IMMP2L: variants seen among roughly 807,000 people sequenced by gnomAD.
IMMP2L encodes the protein mitochondrial inner membrane protease subunit 2.
IMMP2L carries 18 observed loss-of-function variants against 19.3 expected under a neutral mutation model. That is an observed-to-expected ratio of 0.93 (90% confidence interval 0.64 to 1.38). IMMP2L has a LOEUF of 1.38. Among genes scored for constraint, IMMP2L ranks in the 40% most tolerant of loss-of-function variants. IMMP2L has a pLI of 0.00. For missense variants in IMMP2L, 233 were observed against 218.2 expected (o/e 1.07, Z -0.43); for synonymous variants, 76 against 73.0 (o/e 1.04, Z -0.21).
chr7:111,468,590 T>C (rs1437144159), intron 3 of IMMP2L, among the ~76,000 whole-genome samples: 1 of 151,972 alleles, frequency 6.6e-6, no homozygotes, highest in African/African-American at 2.4e-5. Flanking sequence ...ATATGCAATA[T>C]AAGAAGAAAA....
chr7:111,295,982 T>C (rs1821586306), intron 3 of IMMP2L, among the ~76,000 whole-genome samples: 1 of 71,472 alleles, frequency 1.4e-5, no homozygotes, highest in Non-Finnish European at 2.3e-5. Context: ...TTAGAAAGAA[T>C]GTTAAAAAAA....
chr7:110,801,323 G>T (rs1376421881), intron 5 of IMMP2L, among the ~76,000 whole-genome samples: 1 of 151,944 alleles, frequency 6.6e-6, no homozygotes, highest in Non-Finnish European at 1.5e-5. Context: ...CCCATATACT[G>T]CTTGTCTAAA....
chr7:110,815,163 T>A (rs1802381020), intron 5 of IMMP2L, among the ~76,000 whole-genome samples: 1 of 152,016 alleles, frequency 6.6e-6, no homozygotes, highest in Non-Finnish European at 1.5e-5. Flanking sequence ...TTATTGAGAG[T>A]TTTTAGCATG....
At chr7:110,692,558 T>A (rs1286285287) in intron 5 of IMMP2L, among the ~76,000 whole-genome samples, 3 of 152,162 alleles carry the variant, frequency 2.0e-5, no homozygotes, top group African/African-American at 7.2e-5. Context: ...CAGATTCAAA[T>A]CTACACATTG....
intron 3 of IMMP2L, among the ~76,000 whole-genome samples, chr7:111,421,042 A>C (rs1835466997): frequency 6.6e-6 from 1 of 151,668 alleles, no homozygotes; most frequent in Non-Finnish European, 1.5e-5. Context: ...AAGCATTCCT[A>C]TTTCTCCACA....
rs201627019 is a variant in IMMP2L at position 111,179,199 on chromosome 7, G to GA, written c.240-215635dup. Among the ~76,000 whole-genome samples the GA allele has an allele frequency of 1.0e-4, 15 of 149,728 alleles. No individual in the cohort carries two copies. The South Asian group carries it at 1.3e-3, about 13-fold the overall frequency. On this transcript the variant is annotated intron_variant, in intron 3 of 5. Transcript: ENST00000405709. ...CATTTTCAATGAGCAGTAATATTTTGAAAAAAAAAATTTTATCTGAGAAGT... is the reference window on the plus strand; with the variant it reads ...CATTTTCAATGAGCAGTAATATTTTGAAAAAAAAAAATTTTATCTGAGAAGT...
intron 3 of IMMP2L, among the ~76,000 whole-genome samples, chr7:111,486,729 CATATT>C (rs1410991162): frequency 6.6e-6 from 1 of 152,122 alleles, no homozygotes; most frequent in African/African-American, 2.4e-5. Flanking sequence ...GACCAGTCAT[CATATT>C]ATAACAGTGA....
intron 3 of IMMP2L, among the ~76,000 whole-genome samples, chr7:111,243,070 ATT>A (rs1324840384): frequency 6.6e-6 from 1 of 152,092 alleles, no homozygotes; most frequent in African/African-American, 2.4e-5. Context: ...GGTGAAAAAT[ATT>A]GTTACTAAAA....
intron 5 of IMMP2L, among the ~76,000 whole-genome samples, chr7:110,771,231 G>A (rs1373466749): frequency 1.3e-5 from 2 of 152,086 alleles, no homozygotes; most frequent in East Asian, 1.9e-4. Context: ...TGGTTTGGAC[G>A]AGAATCTCAC....
rs117689691 is a variant in IMMP2L at position 110,929,471 on chromosome 7, T to A, written c.305+34029A>T. On this transcript the variant is annotated intron_variant, in intron 4 of 5. Coordinates refer to ENST00000405709, the MANE Select transcript of IMMP2L (RefSeq NM_032549.4). ...TGTTGCATGTGAATTCCATTTTATA[T>A]CAGTAGAATGCTTTATAGTTCATAA... Among the ~76,000 whole-genome samples the A allele has an allele frequency of 4.8e-3, 737 of 152,282 alleles. 3 individuals carry two copies. The highest frequency in any genetic ancestry group is 6.0e-3 in the Non-Finnish European group (409 of 68,016).
chr7:110,876,898 CT>C (rs1196420371), intron 5 of IMMP2L, among the ~76,000 whole-genome samples: 1 of 152,132 alleles, frequency 6.6e-6, no homozygotes, highest in Non-Finnish European at 1.5e-5. Context: ...GTTCAAATTT[CT>C]GACTTTCCTA....
Position 110,804,000 on chromosome 7 carries a change from G to A in IMMP2L, c.408+82593C>T, listed in dbSNP as rs762895248. ...GGTAAAATGGGTACTTGAAAGATGA[G>A]AATGAGTTTATGATCACTGAGTAAA... On this transcript the variant is annotated intron_variant, in intron 5 of 5. Coordinates refer to ENST00000405709, the MANE Select transcript of IMMP2L (RefSeq NM_032549.4). The surrounding 1 kb of genome is among the most constrained non-coding windows in gnomAD (Gnocchi z 4.2). Among the ~76,000 whole-genome samples the A allele has an allele frequency of 2.0e-5, 3 of 152,034 alleles. No individual in the cohort carries two copies. The highest frequency in any genetic ancestry group is 4.8e-5 in the African/African-American group (2 of 41,414).
At chr7:111,420,144 ATT>A (rs1434247004) in intron 3 of IMMP2L, among the ~76,000 whole-genome samples, 1 of 151,860 alleles carries the variant, frequency 6.6e-6, no homozygotes, top group Admixed American at 6.6e-5. Flanking sequence ...TTATATTTAC[ATT>A]TTTATATTCA....
intron 3 of IMMP2L, among the ~76,000 whole-genome samples, chr7:111,274,055 C>G (rs1273684679): frequency 3.3e-5 from 5 of 152,080 alleles, no homozygotes; most frequent in Admixed American, 3.3e-4. Context: ...TTTATTTACT[C>G]TGCCAATGAC....
At chr7:111,120,995 A>G (rs1204172149) in intron 3 of IMMP2L, among the ~76,000 whole-genome samples, 2 of 151,940 alleles carry the variant, frequency 1.3e-5, no homozygotes, top group Admixed American at 1.3e-4. Flanking sequence ...TTTTTTCCCT[A>G]TAACTAAATT....
chr7:111,196,569 T>C (rs565583713), intron 3 of IMMP2L, among the ~76,000 whole-genome samples: 3 of 152,196 alleles, frequency 2.0e-5, no homozygotes, highest in Non-Finnish European at 4.4e-5. Flanking sequence ...TTTAAAAAAC[T>C]ATTTAGTTAA....
chr7:110,948,348 T>C (rs886877415), intron 4 of IMMP2L, among the ~76,000 whole-genome samples: 3 of 152,236 alleles, frequency 2.0e-5, no homozygotes, highest in African/African-American at 7.2e-5. Flanking sequence ...ATGTGTTAGA[T>C]AATATTTGAA....
At chr7:110,717,259 G>A (rs1419435842) in intron 5 of IMMP2L, among the ~76,000 whole-genome samples, 2 of 152,272 alleles carry the variant, frequency 1.3e-5, no homozygotes, top group African/African-American at 2.4e-5. Context: ...GGCGGATCAT[G>A]AGGTCAGGAG....
chr7:111,547,558 T>TTTATTTATTTATTTATTTATTTAC lies in IMMP2L; in HGVS notation c.-3+14292_-3+14293insGTAAATAAATAAATAAATAAATAA, dbSNP rs543273627. ...TTGCTTGTTTTTTTTTAATTTTTTA[T>TTTATTTATTTATTTATTTATTTAC]TTATTTAGGTTGGGGGAGACAGGGC... On this transcript the variant is annotated intron_variant, in intron 1 of 5. Coordinates refer to ENST00000405709, the MANE Select transcript of IMMP2L (RefSeq NM_032549.4). 1.9e-3 allele frequency among the ~76,000 whole-genome samples: 288 copies of TTTATTTATTTATTTATTTATTTAC among 149,540 alleles called. 3 individuals carry two copies. Among genetic ancestry groups the TTTATTTATTTATTTATTTATTTAC allele is most frequent in the African/African-American group, 6.7e-3 (273 of 40,702 alleles).
Sources: gnomAD v4.1 joint callset for allele counts (sites outside exome capture counted in the v4.1 genomes callset) on GRCh38, gnomAD v4.1.1 for gene constraint, Gnocchi (gnomAD v3.1) non-coding constraint, MANE v1.5 for transcripts, NCBI Gene and HGNC (gene_info 2026-07-23, HGNC 2026-07-21) for gene names.